The following RABEPK variants were observed in gnomAD, a reference collection of about 807,000 sequenced individuals.
RABEPK encodes Rab9 effector protein with kelch motifs.
Under a neutral mutation model 34.1 loss-of-function variants are expected in RABEPK, and 27 were observed. The observed-to-expected ratio is 0.79, with a 90% CI of 0.58 to 1.09. The LOEUF (loss-of-function observed/expected upper bound fraction) is 1.09, where lower values mean the gene tolerates loss of function less well. Among genes scored for constraint, RABEPK ranks in the 50% least tolerant of loss-of-function variants. The pLI is 0.00. For missense variants in RABEPK, 449 were observed against 462.6 expected (o/e 0.97, Z 0.27); for synonymous variants, 172 against 169.2 (o/e 1.02, Z -0.13).
At chr9:125,220,877 G>A in intron 5 of RABEPK, 177 bp downstream of exon 5, 2 of 829,144 alleles carry the variant, frequency 2.4e-6, no homozygotes, top group South Asian at 4.8e-5. Flanking sequence ...TTTAAAAAGG[G>A]ATAGTGAGGC....
intron 6 of RABEPK, among the ~76,000 whole-genome samples, chr9:125,231,052 C>T (rs1832135224): frequency 6.6e-6 from 1 of 151,962 alleles, no homozygotes; most frequent in African/African-American, 2.4e-5. Context: ...CCTGTAATCC[C>T]AGCACTTTGG....
At chr9:125,201,800 A>G (rs1829920895) in intron 1 of RABEPK, among the ~76,000 whole-genome samples, 1 of 151,848 alleles carries the variant, frequency 6.6e-6, no homozygotes, top group East Asian at 2.0e-4. Context: ...TATTTTTAGT[A>G]AAGACAGGGT....
chr9:125,206,014 A>G (rs1288570251), intron 2 of RABEPK, among the ~76,000 whole-genome samples: 1 of 152,144 alleles, frequency 6.6e-6, no homozygotes, highest in East Asian at 1.9e-4. Context: ...AGAAAGGACA[A>G]CCAGAAAAGT....
chr9:125,227,753 C>T (rs1831863635), intron 5 of RABEPK, among the ~76,000 whole-genome samples, 157 bp from the exon 6 acceptor site: 1 of 152,050 alleles, frequency 6.6e-6, no homozygotes, highest in South Asian at 2.1e-4. Flanking sequence ...AGGAGGGATG[C>T]CTGGATTGGC....
chr9:125,219,683 G>A (rs894375426), intron 4 of RABEPK, among the ~76,000 whole-genome samples: 4 of 151,546 alleles, frequency 2.6e-5, no homozygotes, highest in African/African-American at 7.3e-5. Context: ...GATTACAAGC[G>A]TGAGCCACTG....
At chr9:125,213,256 A>G in intron 3 of RABEPK, 114 bp from the exon 4 acceptor site, 1 of 1,086,650 alleles carries the variant, frequency 9.2e-7, no homozygotes, top group Non-Finnish European at 1.3e-6. Flanking sequence ...CCTTTAAGTG[A>G]TTCAGTGGTT....
intron 4 of RABEPK, among the ~76,000 whole-genome samples, chr9:125,216,002 A>G (rs1235535091): frequency 6.6e-6 from 1 of 152,176 alleles, no homozygotes; most frequent in Non-Finnish European, 1.5e-5. Flanking sequence ...TAGTTTAAAT[A>G]TGCATTTTGG....
chr9:125,203,223 G>A (rs1313596038), intron 2 of RABEPK, among the ~76,000 whole-genome samples, 157 bp downstream of exon 2: 3 of 152,164 alleles, frequency 2.0e-5, no homozygotes, highest in Non-Finnish European at 4.4e-5. Context: ...AGTCTTCAGA[G>A]GAAAGATAGG....
intron 6 of RABEPK, among the ~76,000 whole-genome samples, chr9:125,229,620 A>G (rs992540313): frequency 6.6e-6 from 1 of 152,182 alleles, no homozygotes; most frequent in African/African-American, 2.4e-5. Flanking sequence ...ACCTTCCAAC[A>G]GTGCTCTCCT....
At chr9:125,216,838 G>T (rs1190957087) in intron 4 of RABEPK, among the ~76,000 whole-genome samples, 1 of 151,996 alleles carries the variant, frequency 6.6e-6, no homozygotes, top group African/African-American at 2.4e-5. Flanking sequence ...TTGGTGGCAG[G>T]TGCCTGTGGT....
chr9:125,213,283 G>T, intron 3 of RABEPK, 87 bp from the exon 4 acceptor site: 2 of 1,323,980 alleles, frequency 1.5e-6, no homozygotes, highest in South Asian at 1.4e-5. Context: ...TATGTTTATG[G>T]CCCTCTTCTC....
intron 4 of RABEPK, among the ~76,000 whole-genome samples, chr9:125,218,937 G>A (rs894675917): frequency 6.6e-6 from 1 of 151,740 alleles, no homozygotes; most frequent in African/African-American, 2.4e-5. Context: ...TTGCCATGTT[G>A]CCCAGGCTGG....
chr9:125,232,322 T>C (rs1421461420), intron 6 of RABEPK, among the ~76,000 whole-genome samples: 1 of 152,004 alleles, frequency 6.6e-6, no homozygotes, highest in African/African-American at 2.4e-5. Flanking sequence ...GTGACTGTTA[T>C]TATAAAGGTT....
intron 5 of RABEPK, chr9:125,221,547 A>T (rs975768140): frequency 2.0e-5 from 3 of 152,132 alleles, no homozygotes; most frequent in African/African-American, 7.2e-5. Flanking sequence ...AAAAGTTTAA[A>T]CCATACAATT....
At position 125,200,735 on chromosome 9, in the gene RABEPK, A is replaced by G; in HGVS notation, c.-178A>G. 1 of 471,128 alleles carries G rather than the reference A, an allele frequency of 2.1e-6. No individual in the cohort carries two copies. The highest frequency in any genetic ancestry group is 4.4e-6 in the Non-Finnish European group (1 of 227,050). 29.2% of individuals were successfully genotyped at this position (471,128 alleles called of 1,614,324 possible). On this transcript the variant is annotated 5_prime_UTR_variant, in exon 1 of 8. Transcript: ENST00000373538. Reference sequence around the variant, plus strand: ...CCCTGGCTCCGTCCCGGCCACTTTGACCGAATCAGCCTGTTCTTTCCCGAC... The same window carrying G: ...CCCTGGCTCCGTCCCGGCCACTTTGGCCGAATCAGCCTGTTCTTTCCCGAC...
At chr9:125,224,783 A>G (rs1483856000) in intron 5 of RABEPK, among the ~76,000 whole-genome samples, 1 of 152,132 alleles carries the variant, frequency 6.6e-6, no homozygotes, top group Admixed American at 6.6e-5. Context: ...TTTTACAGCC[A>G]TAGAAACTGC....
At chr9:125,220,887 C>A in intron 5 of RABEPK, 187 bp downstream of exon 5, 1 of 739,982 alleles carries the variant, frequency 1.4e-6, no homozygotes, top group Non-Finnish European at 2.0e-6. Flanking sequence ...GATAGTGAGG[C>A]CTGGCATGGT....
At chr9:125,210,844 G>T (rs860432) in intron 3 of RABEPK, among the ~76,000 whole-genome samples, 36,359 of 99,896 alleles carry the variant, frequency 0.36, 5,354 homozygotes, top group East Asian at 0.53. Flanking sequence ...CTTAAGTTTT[G>T]TTTTTTTTTT....
intron 6 of RABEPK, among the ~76,000 whole-genome samples, chr9:125,230,110 C>T (rs181365593): frequency 9.2e-5 from 14 of 152,154 alleles, no homozygotes; most frequent in Non-Finnish European, 1.6e-4. Flanking sequence ...ACAACAGGCA[C>T]GTGCTACAAC....
Sources: gnomAD v4.1 joint callset for allele counts (sites outside exome capture counted in the v4.1 genomes callset) on GRCh38, gnomAD v4.1.1 for gene constraint, MANE v1.5 for transcripts, NCBI Gene and HGNC (gene_info 2026-07-23, HGNC 2026-07-21) for gene names.